PCDH11X: variants seen among roughly 807,000 people sequenced by gnomAD.
PCDH11X encodes the protein protocadherin-11 X-linked.
A neutral mutation model predicts 53.3 loss-of-function variants in PCDH11X; 18 were observed. The observed-to-expected ratio is 0.34, with a 90% CI of 0.23 to 0.50. The LOEUF (loss-of-function observed/expected upper bound fraction) is 0.50. PCDH11X is among the 20% of genes least tolerant of loss of function. PCDH11X has a pLI of 0.98. For missense variants in PCDH11X, 570 were observed against 1,032.4 expected (o/e 0.55, Z 6.14); for synonymous variants, 279 against 393.3 (o/e 0.71, Z 3.44).
chrX:92,551,666 T>G (rs1255900106), intron 10 of PCDH11X, among the ~76,000 whole-genome samples: 1 of 110,319 alleles, frequency 9.1e-6, no homozygotes, highest in Non-Finnish European at 1.9e-5. Flanking sequence ...TGTTTTCTTG[T>G]TGTAGGTTCA....
intron 5 of PCDH11X, among the ~76,000 whole-genome samples, chrX:91,860,779 A>ATG (rs1016597621): frequency 8.9e-6 from 1 of 111,838 alleles, no homozygotes; most frequent in African/African-American, 3.3e-5. Flanking sequence ...TTATTTGTGT[A>ATG]TGTTGAACCA....
intron 8 of PCDH11X, among the ~76,000 whole-genome samples, chrX:92,349,794 T>A (rs769266478): frequency 1.8e-5 from 2 of 111,117 alleles, no homozygotes; most frequent in South Asian, 7.6e-4. Flanking sequence ...CACTTTACTA[T>A]AAAATAGGCT....
intron 7 of PCDH11X, among the ~76,000 whole-genome samples, chrX:92,230,593 A>AAT (rs1192082907): frequency 2.1e-5 from 2 of 96,073 alleles, no homozygotes; most frequent in Non-Finnish European, 2.0e-5. Flanking sequence ...ATATATATAA[A>AAT]ATATATATAT....
In PCDH11X at chrX:92,328,001, C is replaced by A. The variant is rs1382837720; in HGVS notation, c.3145-59734C>A. 4.8e-5 allele frequency among the ~76,000 whole-genome samples: 5 copies of A among 104,553 alleles called. No individual in the cohort carries two copies. In the South Asian group the frequency reaches 1.8e-3, roughly 38 times the overall value. 90.8% of individuals were successfully genotyped at this position (104,553 alleles called of 115,157 possible). Reference sequence around the variant, plus strand: ...ATGAAATCATTTGAAATTTCTATTTCTTGTGAAGATTAAGTGTCAGGGAGT... The same window carrying A: ...ATGAAATCATTTGAAATTTCTATTTATTGTGAAGATTAAGTGTCAGGGAGT... On this transcript the variant is annotated intron_variant, in intron 8 of 10. Coordinates refer to ENST00000682573, the MANE Select transcript of PCDH11X (RefSeq NM_032968.5).
rs763008527 is a variant in PCDH11X at position 92,383,598 on chromosome X, A to T, written c.3145-4137A>T. On this transcript the variant is annotated intron_variant, in intron 8 of 10. Coordinates refer to ENST00000682573, the MANE Select transcript of PCDH11X (RefSeq NM_032968.5). ...GTGTTTGGTTTTCTGTTCCTGTGTT[A>T]GTTTGCTGAGAATGATGGTTTCCAG... 9.4e-3 allele frequency among the ~76,000 whole-genome samples: 1,047 copies of T among 110,813 alleles called. 11 individuals are homozygous for T. The highest frequency in any genetic ancestry group is 0.029 in the African/African-American group (883 of 30,443).
intron 10 of PCDH11X, among the ~76,000 whole-genome samples, chrX:92,604,710 A>C (rs934475758): frequency 2.7e-5 from 3 of 110,743 alleles, no homozygotes; most frequent in Non-Finnish European, 5.7e-5. Context: ...TGCACAACCC[A>C]GATTCAATGC....
At chrX:91,844,084 A>G (rs1050950142) in intron 5 of PCDH11X, among the ~76,000 whole-genome samples, 7 of 111,854 alleles carry the variant, frequency 6.3e-5, no homozygotes, top group African/African-American at 2.3e-4. Flanking sequence ...TTCTGTAAAC[A>G]ATAGTTATGG....
intron 6 of PCDH11X, chrX:92,114,328 C>A: frequency 9.3e-7 from 1 of 1,069,889 alleles, no homozygotes; most frequent in Non-Finnish European, 1.3e-6. Flanking sequence ...ATAGATGTCA[C>A]GGAGAAGGGA....
rs1205348206 is a variant in PCDH11X at position 92,335,577 on chromosome X, A to G, written c.3145-52158A>G. 2.7e-5 allele frequency among the ~76,000 whole-genome samples: 3 copies of G among 110,479 alleles called. No individual in the cohort carries two copies. The East Asian group carries it at 8.6e-4, about 32-fold the overall frequency. On this transcript the variant is annotated intron_variant, in intron 8 of 10. Transcript: ENST00000682573. The stretch of plus-strand genomic sequence containing the variant: ...CAACCAAATGATAACAAAAGGGTGA[A>G]AATGAACTCCTCTCTAATCTGCAAG...
intron 8 of PCDH11X, among the ~76,000 whole-genome samples, chrX:92,298,421 G>A (rs776664554): frequency 6.3e-5 from 7 of 111,089 alleles, no homozygotes; most frequent in African/African-American, 1.6e-4. Flanking sequence ...TTTTATTTTC[G>A]GTTCTGTTTC....
chrX:92,512,280 C>T (rs1430858319), intron 10 of PCDH11X, among the ~76,000 whole-genome samples: 1 of 111,892 alleles, frequency 8.9e-6, no homozygotes, highest in Non-Finnish European at 1.9e-5. Flanking sequence ...TAAATCAGTG[C>T]TTCCTCTTAT....
At chrX:91,810,962 T>G (rs1232186117) in intron 3 of PCDH11X, among the ~76,000 whole-genome samples, 1 of 111,912 alleles carries the variant, frequency 8.9e-6, no homozygotes, top group Non-Finnish European at 1.9e-5. Context: ...GTGTTTTTAT[T>G]TAAGCTTTCA....
chrX:92,059,786 C>A (rs561328315), intron 6 of PCDH11X, among the ~76,000 whole-genome samples: 1 of 110,417 alleles, frequency 9.1e-6, no homozygotes, highest in South Asian at 3.8e-4. Flanking sequence ...GTAATTTAGA[C>A]CTCCTTAATA....
At chrX:91,902,161 T>C (rs1399192894) in intron 6 of PCDH11X, among the ~76,000 whole-genome samples, 3 of 111,336 alleles carry the variant, frequency 2.7e-5, no homozygotes. Flanking sequence ...ATTTTTGGAA[T>C]AGTGTTTCTC....
chrX:92,385,928 C>T (rs750097350), intron 8 of PCDH11X, among the ~76,000 whole-genome samples: 2 of 111,622 alleles, frequency 1.8e-5, no homozygotes, highest in South Asian at 7.5e-4. Context: ...ATTTTCTGCT[C>T]GTACTAATTC....
intron 6 of PCDH11X, among the ~76,000 whole-genome samples, chrX:91,890,764 T>C (rs944478516): frequency 9.1e-6 from 1 of 110,310 alleles, no homozygotes; most frequent in African/African-American, 3.3e-5. Flanking sequence ...AGATTTGCTG[T>C]TTCATGTGTC....
At chrX:92,285,775 G>T (rs113126766) in intron 8 of PCDH11X, among the ~76,000 whole-genome samples, 1 of 111,304 alleles carries the variant, frequency 9.0e-6, no homozygotes, top group Non-Finnish European at 1.9e-5. Context: ...AGTTAAAGAC[G>T]CACACACAGA....
intron 7 of PCDH11X, among the ~76,000 whole-genome samples, chrX:92,256,563 T>C (rs2067592176): frequency 8.9e-6 from 1 of 111,745 alleles, no homozygotes; most frequent in East Asian, 2.8e-4. Context: ...CCCCAACTTT[T>C]ATTTTAAGCT....
At chrX:92,025,057 A>G in intron 6 of PCDH11X, among the ~76,000 whole-genome samples, 1 of 112,008 alleles carries the variant, frequency 8.9e-6, no homozygotes, top group Admixed American at 9.5e-5. Context: ...TTCAGGCCAT[A>G]GGCATGGGCA....
Sources: gnomAD v4.1 joint callset for allele counts (sites outside exome capture counted in the v4.1 genomes callset) on GRCh38, gnomAD v4.1.1 for gene constraint, MANE v1.5 for transcripts, NCBI Gene and HGNC (gene_info 2026-07-23, HGNC 2026-07-21) for gene names.